Variants in CAAP1 observed in about 807,000 individuals in gnomAD.
The protein encoded by CAAP1 is conserved anti-apoptotic protein.
Under a neutral mutation model 34.0 loss-of-function variants are expected in CAAP1, and 20 were observed. The ratio of observed to expected loss-of-function variants is 0.59; its 90% CI spans 0.41 to 0.86. The LOEUF is 0.86. Among genes scored for constraint, CAAP1 ranks in the 40% least tolerant of loss-of-function variants. CAAP1 has a pLI of 0.00. For missense variants in CAAP1, 538 were observed against 450.5 expected (o/e 1.19, Z -1.76); for synonymous variants, 213 against 166.7 (o/e 1.28, Z -2.14).
chr9:26,842,721 T>A, intron 5 of CAAP1, 74 bp from the exon 6 acceptor site: 1 of 1,270,224 alleles, frequency 7.9e-7, no homozygotes, highest in Non-Finnish European at 1.1e-6. Flanking sequence ...GTTTATAATT[T>A]AAAAACTGCT....
intron 5 of CAAP1, among the ~76,000 whole-genome samples, chr9:26,848,776 G>A (rs916610200): frequency 6.6e-6 from 1 of 152,084 alleles, no homozygotes; most frequent in Non-Finnish European, 1.5e-5. Context: ...GTCTTATGTT[G>A]TTTATTTTTT....
chr9:26,858,577 C>G (rs1822929236), intron 5 of CAAP1, among the ~76,000 whole-genome samples: 1 of 152,096 alleles, frequency 6.6e-6, no homozygotes, highest in Non-Finnish European at 1.5e-5. Context: ...AATCCCAGCA[C>G]TTTGGGAGGC....
At chr9:26,851,295 A>G (rs1308168012) in intron 5 of CAAP1, among the ~76,000 whole-genome samples, 3 of 152,196 alleles carry the variant, frequency 2.0e-5, no homozygotes, top group African/African-American at 7.2e-5. Context: ...GCCTTTAAGA[A>G]TGGGTACAAT....
intron 4 of CAAP1, among the ~76,000 whole-genome samples, chr9:26,863,654 A>G (rs1823056168): frequency 6.6e-6 from 1 of 151,964 alleles, no homozygotes; most frequent in Non-Finnish European, 1.5e-5. Flanking sequence ...AAACACTTTA[A>G]GGAAGAATTT....
intron 5 of CAAP1, among the ~76,000 whole-genome samples, chr9:26,844,591 G>T (rs1443293849): frequency 6.6e-6 from 1 of 152,224 alleles, no homozygotes; most frequent in Non-Finnish European, 1.5e-5. Context: ...AGGGGGTGGA[G>T]AAGAGGTAAA....
chr9:26,844,126 G>C (rs555747219), intron 5 of CAAP1, among the ~76,000 whole-genome samples: 1 of 152,298 alleles, frequency 6.6e-6, no homozygotes, highest in South Asian at 2.1e-4. Context: ...GGGAGGCTGA[G>C]GTGGGCAGAT....
intron 5 of CAAP1, among the ~76,000 whole-genome samples, chr9:26,851,993 T>A (rs1282688877): frequency 1.3e-5 from 2 of 152,272 alleles, no homozygotes; most frequent in Admixed American, 1.3e-4. Flanking sequence ...AAATATAAGC[T>A]CAGAAAGAGA....
At chr9:26,850,390 G>A (rs1007974292) in intron 5 of CAAP1, among the ~76,000 whole-genome samples, 14 of 152,288 alleles carry the variant, frequency 9.2e-5, no homozygotes, top group Middle Eastern at 3.4e-3. Context: ...TGAGTTATTT[G>A]AGGATGAAGT....
At chr9:26,860,949 T>C in intron 5 of CAAP1, 117 bp downstream of exon 5, 2 of 715,610 alleles carry the variant, frequency 2.8e-6, no homozygotes, top group Non-Finnish European at 2.5e-6. Context: ...ACCAAATAAA[T>C]TGCTCTCTTC....
At chr9:26,882,165 A>G (rs1215867742) in intron 4 of CAAP1, among the ~76,000 whole-genome samples, 3 of 152,236 alleles carry the variant, frequency 2.0e-5, no homozygotes, top group African/African-American at 7.2e-5. Context: ...TGCTACAGAA[A>G]AGAAAAACCC....
chr9:26,843,698 CAT>C (rs1276886102), intron 5 of CAAP1, among the ~76,000 whole-genome samples: 1 of 151,834 alleles, frequency 6.6e-6, no homozygotes, highest in Non-Finnish European at 1.5e-5. Context: ...CTTTACAAAA[CAT>C]AGATTGACAG....
intron 4 of CAAP1, among the ~76,000 whole-genome samples, chr9:26,878,988 C>T (rs1047714692): frequency 5.3e-5 from 8 of 152,140 alleles, no homozygotes; most frequent in African/African-American, 1.9e-4. Flanking sequence ...ACACTACATG[C>T]TTATTAGTCA....
intron 4 of CAAP1, among the ~76,000 whole-genome samples, chr9:26,871,942 T>TAAATAAATAAAA (rs527835394): frequency 2.0e-5 from 3 of 151,352 alleles, no homozygotes; most frequent in African/African-American, 7.3e-5. Context: ...AATAAATAAA[T>TAAATAAATAAAA]AAAATAAAAA....
intron 5 of CAAP1, among the ~76,000 whole-genome samples, chr9:26,848,125 G>A (rs1012496377): frequency 6.6e-6 from 1 of 152,098 alleles, no homozygotes; most frequent in Admixed American, 6.5e-5. Context: ...TTATCAACTC[G>A]AATATTTATA....
Position 26,841,671 on chromosome 9 carries a change from T to C in CAAP1, c.*630A>G, listed in dbSNP as rs1163194579. The stretch of plus-strand genomic sequence containing the variant: ...AATGCATCCAATGGTATCAAATACC[T>C]GTTAGAATGGCGTGTCTGCTATAAT... On this transcript the variant is annotated 3_prime_UTR_variant, in exon 6 of 6. Coordinates refer to ENST00000333916, the MANE Select transcript of CAAP1 (RefSeq NM_024828.4). The C allele has an allele frequency of 6.6e-6, 1 of 152,620 alleles. No homozygotes were observed. The highest frequency in any genetic ancestry group is 1.5e-5 in the Non-Finnish European group (1 of 68,018). The allele number at this position is 152,620 out of a possible 1,614,324, so 9.5% of individuals were successfully genotyped here.
At chr9:26,875,460 G>A (rs759457406) in intron 4 of CAAP1, among the ~76,000 whole-genome samples, 30 of 152,026 alleles carry the variant, frequency 2.0e-4, no homozygotes, top group African/African-American at 6.8e-4. Flanking sequence ...AGCATAGGTC[G>A]CCTACTAAAA....
At chr9:26,870,587 CGT>C (rs10598264) in intron 4 of CAAP1, among the ~76,000 whole-genome samples, 13,878 of 135,038 alleles carry the variant, frequency 0.1, 852 homozygotes, top group Non-Finnish European at 0.14. Flanking sequence ...CACATATATA[CGT>C]GTGTGTGTGT....
In CAAP1 at chr9:26,892,754, C is replaced by T. The variant is rs767257270; in HGVS notation, c.-39G>A. 1.6e-5 allele frequency: 24 copies of T among 1,536,286 alleles called. No individual in the cohort carries two copies. In the East Asian group the frequency reaches 5.0e-4, roughly 32 times the overall value. ...CAACCATCGGAGGAAAGTCCGCTGT[C>T]TCTGGTGCGACCGAAGCCCGACTCC... is the stretch of plus-strand genomic sequence containing the variant. On this transcript the variant is annotated 5_prime_UTR_variant, in exon 1 of 6. Coordinates refer to ENST00000333916, the MANE Select transcript of CAAP1 (RefSeq NM_024828.4).
chr9:26,884,262 T>C (rs1245994152), intron 4 of CAAP1, among the ~76,000 whole-genome samples: 1 of 152,186 alleles, frequency 6.6e-6, no homozygotes, highest in Non-Finnish European at 1.5e-5. Context: ...AAACTAATAA[T>C]TAGCATGTAG....
Sources: gnomAD v4.1 joint callset for allele counts (sites outside exome capture counted in the v4.1 genomes callset) on GRCh38, gnomAD v4.1.1 for gene constraint, MANE v1.5 for transcripts, NCBI Gene and HGNC (gene_info 2026-07-23, HGNC 2026-07-21) for gene names.